Variants in TJP1 observed in about 807,000 individuals in gnomAD.
The protein encoded by TJP1 is tight junction protein ZO-1.
A neutral mutation model predicts 194.2 loss-of-function variants in TJP1; 43 were observed. The ratio of observed to expected loss-of-function variants is 0.22; its 90% CI spans 0.17 to 0.29. TJP1 has a LOEUF of 0.29. TJP1 is among the 10% of genes least tolerant of loss of function. The probability of loss-of-function intolerance (pLI) is 1.00; values close to 1 mark genes in which losing one functional copy is unlikely to be tolerated. For synonymous variants in TJP1, 801 were observed against 779.0 expected (o/e 1.03, Z -0.47); for missense variants, 1,971 against 2,185.7 (o/e 0.90, Z 1.96).
intron 1 of TJP1, chr15:29,821,313 A>G (rs1294848045): frequency 6.6e-5 from 10 of 152,248 alleles, no homozygotes; most frequent in Admixed American, 5.9e-4. Context: ...CTAATTTTTA[A>G]GTGCTCATCT....
chr15:29,773,704 CA>C (rs1277255892), intron 2 of TJP1, among the ~76,000 whole-genome samples: 8 of 152,186 alleles, frequency 5.3e-5, no homozygotes, highest in African/African-American at 1.9e-4. Flanking sequence ...GCCATCCTGG[CA>C]ACTGATTTAG....
At chr15:29,900,170 G>A (rs1342541338) in intron 2 of TJP1, among the ~76,000 whole-genome samples, 3 of 152,138 alleles carry the variant, frequency 2.0e-5, no homozygotes, top group African/African-American at 7.2e-5. Context: ...CAGAAGCAAG[G>A]AGCCACCTGA....
At chr15:29,734,419 TTAAGAA>T (rs1214798385) in intron 11 of TJP1, 37 bp from the exon 12 acceptor site, 1 of 1,476,868 alleles carries the variant, frequency 6.8e-7, no homozygotes, top group African/African-American at 1.4e-5. Context: ...TCTTGGCTGT[TTAAGAA>T]TATGAAAATA....
At chr15:29,788,185 T>C (rs1457860872) in intron 2 of TJP1, among the ~76,000 whole-genome samples, 1 of 152,178 alleles carries the variant, frequency 6.6e-6, no homozygotes, top group East Asian at 1.9e-4. Context: ...GTTATAAAAG[T>C]TCTTTATATA....
chr15:29,968,870 C>A, exon 1 of TJP1: 1 of 442,994 alleles, frequency 2.3e-6, no homozygotes. Context: ...GCCGCCACCA[C>A]AGCTCCCACC....
intron 1 of TJP1, among the ~76,000 whole-genome samples, chr15:29,811,895 A>G (rs1350348376): frequency 2.1e-5 from 3 of 146,054 alleles, no homozygotes; most frequent in Non-Finnish European, 4.6e-5. Flanking sequence ...TGAATGTCTT[A>G]AATAATCTAC....
chr15:29,899,001 C>T (rs1567176913), intron 2 of TJP1, among the ~76,000 whole-genome samples: 1 of 152,106 alleles, frequency 6.6e-6, no homozygotes, highest in Non-Finnish European at 1.5e-5. Context: ...GAAGTATAAA[C>T]AGATGAAATA....
intron 2 of TJP1, among the ~76,000 whole-genome samples, chr15:29,837,055 A>T (rs1320254612): frequency 6.6e-6 from 1 of 152,226 alleles, no homozygotes; most frequent in East Asian, 1.9e-4. Flanking sequence ...AACATAAAAG[A>T]AGTAATTACA....
At chr15:29,781,913 G>C in intron 2 of TJP1, among the ~76,000 whole-genome samples, 1 of 152,150 alleles carries the variant, frequency 6.6e-6, no homozygotes, top group East Asian at 1.9e-4. Context: ...ACCAGCACAA[G>C]ACAAGGATGC....
intron 21 of TJP1, 52 bp downstream of exon 21, chr15:29,718,214 A>C: frequency 6.3e-7 from 1 of 1,595,068 alleles, no homozygotes; most frequent in Middle Eastern, 1.7e-4. Context: ...GAGAGCCAAG[A>C]AGCCTTTTAA....
At chr15:29,875,635 C>T (rs547400760) in intron 2 of TJP1, among the ~76,000 whole-genome samples, 3 of 152,124 alleles carry the variant, frequency 2.0e-5, no homozygotes, top group Non-Finnish European at 4.4e-5. Flanking sequence ...AGCATGATCT[C>T]GACTCACTGC....
At chr15:29,835,986 GT>G (rs937204371) in intron 2 of TJP1, among the ~76,000 whole-genome samples, 1 of 152,088 alleles carries the variant, frequency 6.6e-6, no homozygotes, top group Non-Finnish European at 1.5e-5. Context: ...AATTTTTCCA[GT>G]TTTTTTCTTC....
At position 29,954,841 on chromosome 15, in the gene TJP1, G is replaced by A. The variant is rs889278232; in HGVS notation, c.306+1391C>T. Among the ~76,000 whole-genome samples the A allele has an allele frequency of 2.0e-5, 3 of 152,284 alleles. No homozygotes were observed. The East Asian group carries it at 5.8e-4, about 29-fold the overall frequency. On this transcript the variant is annotated intron_variant, in intron 2 of 28. Transcript: ENST00000356107. ...CACGCCTGTAATCCCAGCAATTTAG[G>A]AGGCCGAGGCGGGTGGATCACAAGG... is the stretch of plus-strand genomic sequence containing the variant.
chr15:29,943,496 C>T (rs755734563), intron 2 of TJP1, among the ~76,000 whole-genome samples: 1 of 151,412 alleles, frequency 6.6e-6, no homozygotes, highest in Admixed American at 6.6e-5. Context: ...GGCATGGTGG[C>T]GTGCGCCTGT....
At chr15:29,906,098 A>G (rs367567403) in intron 2 of TJP1, among the ~76,000 whole-genome samples, 4 of 152,182 alleles carry the variant, frequency 2.6e-5, no homozygotes, top group African/African-American at 9.7e-5. Context: ...GAGGGAGGCT[A>G]TGCCTACGTG....
intron 2 of TJP1, among the ~76,000 whole-genome samples, chr15:29,799,416 ATT>A (rs565711466): frequency 1.4e-5 from 2 of 144,342 alleles, no homozygotes; most frequent in Non-Finnish European, 3.1e-5. Context: ...AGAAAAAAAA[ATT>A]TTTTTTTTTT....
At chr15:29,766,656 GAA>G (rs962224294) in intron 4 of TJP1, 114 bp from the exon 5 acceptor site, 83 of 1,030,194 alleles carry the variant, frequency 8.1e-5, no homozygotes, top group Non-Finnish European at 1.0e-4. Context: ...GAACCAGCAA[GAA>G]ACAATACACA....
At chr15:29,943,828 G>T (rs1471726515) in intron 2 of TJP1, among the ~76,000 whole-genome samples, 1 of 148,694 alleles carries the variant, frequency 6.7e-6, no homozygotes, top group Non-Finnish European at 1.5e-5. Flanking sequence ...CGCGCCTGTA[G>T]TCCTAGCTAC....
intron 2 of TJP1, among the ~76,000 whole-genome samples, chr15:29,881,348 C>T (rs747503807): frequency 3.3e-5 from 5 of 152,070 alleles, no homozygotes; most frequent in East Asian, 1.9e-4. Context: ...GGAAATTAAC[C>T]GCTTATCAGA....
Sources: gnomAD v4.1 joint callset for allele counts (sites outside exome capture counted in the v4.1 genomes callset) on GRCh38, gnomAD v4.1.1 for gene constraint, MANE v1.5 for transcripts, NCBI Gene and HGNC (gene_info 2026-07-23, HGNC 2026-07-21) for gene names.